Variants in ITGB5 observed in about 807,000 individuals in gnomAD.
ITGB5 encodes the protein integrin beta-5.
In ITGB5, 38 loss-of-function variants were observed where a neutral mutation model predicts 84.8. The ratio of observed to expected loss-of-function variants is 0.45; its 90% CI spans 0.35 to 0.59. The LOEUF (loss-of-function observed/expected upper bound fraction) is 0.59. Among genes scored for constraint, ITGB5 ranks in the 20% least tolerant of loss-of-function variants. The probability of loss-of-function intolerance (pLI) is 0.01; values close to 1 mark genes in which losing one functional copy is unlikely to be tolerated. For missense variants in ITGB5, 905 were observed against 1,034.5 expected, an observed-to-expected ratio of 0.87 and a Z score of 1.72; for synonymous variants, 393 against 414.4, an observed-to-expected ratio of 0.95 and a Z score of 0.63.
chr3:124,891,138 T>C (rs1289911465), upstream of ITGB5, among the ~76,000 whole-genome samples: 1 of 152,226 alleles, frequency 6.6e-6, no homozygotes, highest in Non-Finnish European at 1.5e-5. Context: ...TTTATGTTTC[T>C]TATTGTTAGT....
At chr3:124,804,453 C>T (rs535534155) in intron 9 of ITGB5, among the ~76,000 whole-genome samples, 47 of 152,100 alleles carry the variant, frequency 3.1e-4, no homozygotes, top group Non-Finnish European at 6.0e-4. Flanking sequence ...GAGGCTGAGG[C>T]GGGAGGATTG....
intron 5 of ITGB5, among the ~76,000 whole-genome samples, chr3:124,834,405 C>T (rs1052515088): frequency 1.5e-5 from 2 of 134,066 alleles, no homozygotes; most frequent in Non-Finnish European, 3.2e-5. Context: ...ATAAAATCTA[C>T]TGAAAGAAAG....
At chr3:124,860,557 T>C (rs532746974) in intron 2 of ITGB5, among the ~76,000 whole-genome samples, 2 of 152,248 alleles carry the variant, frequency 1.3e-5, no homozygotes, top group Non-Finnish European at 2.9e-5. Flanking sequence ...GTATTAACTT[T>C]AAAATGAAAC....
At chr3:124,777,863 C>A (rs1480025531) in intron 10 of ITGB5, among the ~76,000 whole-genome samples, 1 of 152,240 alleles carries the variant, frequency 6.6e-6, no homozygotes, top group Non-Finnish European at 1.5e-5. Context: ...TGAGCCTCAA[C>A]CTGCCTTTCC....
chr3:124,795,724 GAGTC>G (rs1360639112), intron 10 of ITGB5, among the ~76,000 whole-genome samples: 2 of 152,186 alleles, frequency 1.3e-5, no homozygotes, highest in Admixed American at 1.3e-4. Flanking sequence ...GCAGAGGTCA[GAGTC>G]AGAGAGATCT....
chr3:124,775,630 G>A (rs1187903873), intron 10 of ITGB5, among the ~76,000 whole-genome samples: 1 of 152,162 alleles, frequency 6.6e-6, no homozygotes, highest in East Asian at 1.9e-4. Flanking sequence ...ACAACCAAGA[G>A]TTTCATTTGC....
At chr3:124,896,818 TG>T (rs1212470938) in intron 1 of ITGB5, among the ~76,000 whole-genome samples, 8 of 149,558 alleles carry the variant, frequency 5.3e-5, no homozygotes, top group African/African-American at 1.7e-4. Context: ...CCCAGCATTT[TG>T]GGAAGCTGAG....
intron 5 of ITGB5, among the ~76,000 whole-genome samples, chr3:124,825,742 T>A (rs1361694616): frequency 6.6e-6 from 1 of 152,184 alleles, no homozygotes; most frequent in Non-Finnish European, 1.5e-5. Context: ...ATGGAAATAA[T>A]CCATATCTCA....
chr3:124,783,312 AAGAGAGAG>A (rs1220165092), intron 10 of ITGB5, among the ~76,000 whole-genome samples: 1 of 147,550 alleles, frequency 6.8e-6, no homozygotes, highest in Non-Finnish European at 1.5e-5. Flanking sequence ...AAAAAAAAAA[AAGAGAGAG>A]AGAGAGATTA....
At position 124,886,222 on chromosome 3, in the gene ITGB5, G is replaced by A. The variant is rs184666197; in HGVS notation, c.70+709C>T. 3.5e-3 allele frequency among the ~76,000 whole-genome samples: 539 copies of A among 152,268 alleles called. 6 individuals carry two copies. Among genetic ancestry groups the A allele is most frequent in the African/African-American group, 0.011 (473 of 41,558 alleles). On this transcript the variant is annotated intron_variant, in intron 1 of 14. Coordinates refer to ENST00000296181, the MANE Select transcript of ITGB5 (RefSeq NM_002213.5). ...GGGGAGTGTGAGGCTCCGAGCGTGTGCAAATCGCGGGATAAAGTCGGGCAG... is the reference window on the plus strand; with the variant it reads ...GGGGAGTGTGAGGCTCCGAGCGTGTACAAATCGCGGGATAAAGTCGGGCAG...
intron 2 of ITGB5, among the ~76,000 whole-genome samples, chr3:124,868,292 G>GGGCTGAGAAGCT (rs3841934): frequency 0.16 from 23,754 of 151,570 alleles, 1,944 homozygotes; most frequent in South Asian, 0.21. Flanking sequence ...AGCACCATAA[G>GGGCTGAGAAGCT]GGCTGAGAAG....
At chr3:124,855,330 T>C (rs72974523) in intron 3 of ITGB5, among the ~76,000 whole-genome samples, 3,549 of 152,054 alleles carry the variant, frequency 0.023, 128 homozygotes, top group African/African-American at 0.081. Context: ...TAGATAGATA[T>C]ATGAAAAACC....
At chr3:124,827,883 C>A (rs1182621892) in intron 5 of ITGB5, among the ~76,000 whole-genome samples, 1 of 151,940 alleles carries the variant, frequency 6.6e-6, no homozygotes, top group Non-Finnish European at 1.5e-5. Flanking sequence ...AAAGCTCCCC[C>A]ACTGAGCACC....
At chr3:124,765,167 C>T (rs966984441) in intron 13 of ITGB5, among the ~76,000 whole-genome samples, 2 of 152,138 alleles carry the variant, frequency 1.3e-5, no homozygotes, top group Non-Finnish European at 2.9e-5. Flanking sequence ...GCAGTGCTGT[C>T]GATTGAAGAG....
At chr3:124,877,137 ATTTTTTTTT>A (rs34843039) in intron 1 of ITGB5, among the ~76,000 whole-genome samples, 1 of 126,752 alleles carries the variant, frequency 7.9e-6, no homozygotes, top group Non-Finnish European at 1.6e-5. Flanking sequence ...CACCTGGCTA[ATTTTTTTTT>A]TTTTTTTTTG....
At chr3:124,777,308 G>T (rs1386228469) in intron 10 of ITGB5, among the ~76,000 whole-genome samples, 1 of 152,212 alleles carries the variant, frequency 6.6e-6, no homozygotes, top group Non-Finnish European at 1.5e-5. Context: ...GCCCGTTTCT[G>T]GGGGTGAGCC....
intron 10 of ITGB5, among the ~76,000 whole-genome samples, chr3:124,776,425 C>T (rs2063927777): frequency 6.6e-6 from 1 of 151,948 alleles, no homozygotes; most frequent in African/African-American, 2.4e-5. Flanking sequence ...TTATTCCCCA[C>T]CCCCCCAACA....
chr3:124,841,565 A>C lies in ITGB5; in HGVS notation c.612-14T>G. On this transcript the variant is annotated splice_polypyrimidine_tract_variant and intron_variant, in intron 4 of 14. Coordinates refer to ENST00000296181, the MANE Select transcript of ITGB5 (RefSeq NM_002213.5). ...AACAACTTGTAACTAGAGAGGAAGA[A>C]GAGAAGAGTCACTTTTCCATCATTG... 1 of 1,611,810 alleles carries C rather than the reference A, an allele frequency of 6.2e-7. No individual in the cohort carries two copies. The highest frequency in any genetic ancestry group is 8.5e-7 in the Non-Finnish European group (1 of 1,178,592).
At chr3:124,785,211 C>T (rs1357255822) in intron 10 of ITGB5, among the ~76,000 whole-genome samples, 2 of 152,204 alleles carry the variant, frequency 1.3e-5, no homozygotes, top group Non-Finnish European at 1.5e-5. Context: ...GACAGCACAC[C>T]AATCTCCTGG....
Sources: allele counts gnomAD v4.1 joint callset (sites outside exome capture counted in the v4.1 genomes callset), GRCh38; gene constraint gnomAD v4.1.1; transcripts MANE v1.5; gene names NCBI Gene and HGNC (gene_info 2026-07-23, HGNC 2026-07-21).